CCL24: variants seen among roughly 807,000 people sequenced by gnomAD.
CCL24 encodes the protein C-C motif chemokine 24.
Under a neutral mutation model 8.6 loss-of-function variants are expected in CCL24, and 6 were observed. The observed-to-expected ratio is 0.70, with a 90% CI of 0.38 to 1.38. The LOEUF is 1.38. Among genes scored for constraint, CCL24 ranks in the 40% most tolerant of loss-of-function variants. The pLI, the probability that CCL24 is intolerant of heterozygous loss-of-function variation, is 0.02. For synonymous variants in CCL24, 59 were observed against 52.7 expected (o/e 1.12, Z -0.52); for missense variants, 126 against 147.1 (o/e 0.86, Z 0.74).
chr7:75,814,817 C>T (rs1163238451), upstream of CCL24, among the ~76,000 whole-genome samples: 1 of 152,026 alleles, frequency 6.6e-6, no homozygotes, highest in Non-Finnish European at 1.5e-5. Context: ...TCCAGCATGA[C>T]CTACCCTGTT....
upstream of CCL24, among the ~76,000 whole-genome samples, chr7:75,817,542 A>C (rs1303169380): frequency 6.7e-6 from 1 of 148,986 alleles, no homozygotes; most frequent in African/African-American, 2.5e-5. Flanking sequence ...TCACTTTGTC[A>C]CCCAGGCTGC....
chr7:75,823,221 G>T (rs1804085212), intron 1 of CCL24: 1 of 152,722 alleles, frequency 6.5e-6, no homozygotes, highest in African/African-American at 2.4e-5. Flanking sequence ...ACTCAGGCAT[G>T]CAGACTGGGG....
intron 1 of CCL24, among the ~76,000 whole-genome samples, chr7:75,820,018 A>ACTTCCTCTTCTTCTTCTTCTT (rs1554534774): frequency 4.8e-5 from 5 of 104,908 alleles, no homozygotes; most frequent in South Asian, 7.0e-4. Flanking sequence ...TTAGTAAACT[A>ACTTCCTCTTCTTCTTCTTCTT]CTTCTTCTTC....
upstream of CCL24, chr7:75,813,836 G>A: frequency 1.4e-6 from 1 of 696,064 alleles, no homozygotes; most frequent in Non-Finnish European, 2.5e-6. Flanking sequence ...TGCCCTTTAT[G>A]GGGCAACTAG....
upstream of CCL24, among the ~76,000 whole-genome samples, chr7:75,817,916 C>G (rs768476182): frequency 6.7e-6 from 1 of 150,196 alleles, no homozygotes; most frequent in Non-Finnish European, 1.5e-5. Context: ...CTACAACCTC[C>G]GCCCCCCAGG....
chr7:75,820,954 T>A (rs1804038448), intron 1 of CCL24, among the ~76,000 whole-genome samples: 1 of 151,980 alleles, frequency 6.6e-6, no homozygotes, highest in Non-Finnish European at 1.5e-5. Flanking sequence ...CATCCATCCA[T>A]CCATCCATCC....
At chr7:75,816,274 G>A (rs1005591761), upstream of CCL24, among the ~76,000 whole-genome samples, 24 of 152,168 alleles carry the variant, frequency 1.6e-4, no homozygotes, top group African/African-American at 5.6e-4. Flanking sequence ...TGGAGCCTGC[G>A]TGTACACAAG....
chr7:75,820,197 CT>C (rs1308538478), intron 1 of CCL24, among the ~76,000 whole-genome samples: 1 of 133,810 alleles, frequency 7.5e-6, no homozygotes, highest in Admixed American at 7.9e-5. Flanking sequence ...CCTTCTCCTT[CT>C]TTTTTTGAGA....
upstream of CCL24, among the ~76,000 whole-genome samples, chr7:75,815,855 AT>A (rs1803879121): frequency 6.6e-6 from 1 of 152,192 alleles, no homozygotes; most frequent in African/African-American, 2.4e-5. Context: ...CAGCTGCTTA[AT>A]TGATCACAGG....
In CCL24 at chr7:75,820,248, G is replaced by A. The variant is rs531353998; in HGVS notation, c.-60+3074C>T. On this transcript the variant is annotated intron_variant, in intron 1 of 3. Coordinates refer to the CCL24 transcript ENST00000416943. ...GTCGTCCAGGCAACAGCACAATCTC[G>A]GCTCACTGCAACCTCCAACTCCCTG... is the stretch of plus-strand genomic sequence containing the variant. Among the ~76,000 whole-genome samples, 12 of 150,226 alleles carry A rather than the reference G, an allele frequency of 8.0e-5. No homozygotes were observed. In the South Asian group the frequency reaches 2.1e-3, roughly 26 times the overall value.
rs1803824819 is a variant in CCL24 at position 75,813,626 on chromosome 7, C to T, written c.73+17G>A. On this transcript the variant is annotated intron_variant, in intron 1 of 2. Transcript: ENST00000222902. ...CCCAGCCATGCCCTTGGAACTGCAT[C>T]CTGTCGGAGGTCTTACCCGTAGGGA... 6.2e-7 allele frequency: 1 copy of T among 1,607,218 alleles called. No individual in the cohort carries two copies. The highest frequency in any genetic ancestry group is 1.3e-5 in the African/African-American group (1 of 74,806).
Position 75,820,148 on chromosome 7 carries a change from C to CCTCCTTCTCCTTCTCCTT in CCL24, c.-60+3156_-60+3173dup, listed in dbSNP as rs376518219. ...TTCTTCTTCTCCTCCTCCTCCTCCT[C>CCTCCTTCTCCTTCTCCTT]CTCCTTCTCCTTCTCCTTCTCCTTC... On this transcript the variant is annotated intron_variant, in intron 1 of 3. Coordinates refer to the CCL24 transcript ENST00000416943. Among the ~76,000 whole-genome samples, 36 of 98,220 alleles carry CCTCCTTCTCCTTCTCCTT rather than the reference C, an allele frequency of 3.7e-4. 1 individual carries two copies. The highest frequency in any genetic ancestry group is 6.1e-4 in the Non-Finnish European group (28 of 46,168). 64.4% of individuals were successfully genotyped at this position (98,220 alleles called of 152,430 possible).
At chr7:75,820,052 C>G (rs966231454) in intron 1 of CCL24, among the ~76,000 whole-genome samples, 1 of 137,914 alleles carries the variant, frequency 7.3e-6, no homozygotes, top group Admixed American at 8.2e-5. Flanking sequence ...TCTTCTTCTT[C>G]TTCTTCTTCT....
rs531774102 is a variant in CCL24, at chr7:75,822,193, A to G, written c.-60+1129T>C. ...GGCTGGGAACTGGAAGCCCAGGGAG[A>G]TTAGACAGCCTCAACTGCCCCACCC... On this transcript the variant is annotated intron_variant, in intron 1 of 3. Transcript: ENST00000416943. Among the ~76,000 whole-genome samples, 17 of 152,074 alleles carry G rather than the reference A, an allele frequency of 1.1e-4. No homozygotes were observed. In the East Asian group the frequency reaches 3.3e-3, roughly 29 times the overall value.
At chr7:75,813,188 G>T (rs1009702292) in intron 2 of CCL24, 118 bp downstream of exon 2, 2 of 615,060 alleles carry the variant, frequency 3.3e-6, no homozygotes, top group South Asian at 1.9e-5. Flanking sequence ...ACCAGAGAGG[G>T]GAGGTGACTT....
At chr7:75,813,478 G>T in intron 1 of CCL24, 55 bp from the exon 2 acceptor site, 1 of 1,395,540 alleles carries the variant, frequency 7.2e-7, no homozygotes, top group Non-Finnish European at 1.0e-6. Context: ...CCTTGGCTCT[G>T]GGCCTCAGAG....
intron 1 of CCL24, among the ~76,000 whole-genome samples, chr7:75,822,049 C>G (rs1314123129): frequency 1.3e-5 from 2 of 151,992 alleles, no homozygotes; most frequent in African/African-American, 4.8e-5. Context: ...TTGCGGTGAG[C>G]CAAGATCGCA....
intron 1 of CCL24, among the ~76,000 whole-genome samples, chr7:75,820,135 TCCTCCTC>T (rs1804011469): frequency 2.0e-5 from 2 of 98,460 alleles, no homozygotes; most frequent in Admixed American, 1.0e-4. Flanking sequence ...CTTCTTCTCC[TCCTCCTC>T]CTCCTCCTCC....
chr7:75,813,189 G>T, intron 2 of CCL24, 117 bp downstream of exon 2: 1 of 617,400 alleles, frequency 1.6e-6, no homozygotes, highest in South Asian at 1.9e-5. Context: ...CCAGAGAGGG[G>T]AGGTGACTTC....
Sources: gnomAD v4.1 joint callset for allele counts (sites outside exome capture counted in the v4.1 genomes callset) on GRCh38, gnomAD v4.1.1 for gene constraint, MANE v1.5 for transcripts, NCBI Gene and HGNC (gene_info 2026-07-23, HGNC 2026-07-21) for gene names.